GLIS3: variants seen among roughly 807,000 people sequenced by gnomAD.
GLIS3 encodes GLIS family zinc finger 3.
In GLIS3, 53 loss-of-function variants were observed where a neutral mutation model predicts 78.6. The observed-to-expected ratio is 0.67, with a 90% CI of 0.54 to 0.85. GLIS3 has a LOEUF of 0.85. Ranked by LOEUF, GLIS3 falls within the 40% of genes least tolerant of loss-of-function variation. The pLI, the probability that GLIS3 is intolerant of heterozygous loss-of-function variation, is 0.00. For missense variants in GLIS3, 1,703 were observed against 1,231.1 expected (o/e 1.38, Z -5.74); for synonymous variants, 684 against 509.9 (o/e 1.34, Z -4.60).
intron 4 of GLIS3, among the ~76,000 whole-genome samples, chr9:4,111,004 G>A (rs1831168036): frequency 6.6e-6 from 1 of 152,110 alleles, no homozygotes; most frequent in Admixed American, 6.6e-5. Flanking sequence ...ATATTCCAAA[G>A]GTCACAAAGG....
chr9:4,350,350 G>A, upstream of GLIS3, among the ~76,000 whole-genome samples: 1 of 152,200 alleles, frequency 6.6e-6, no homozygotes, highest in East Asian at 1.9e-4. Flanking sequence ...TTCAGTTATT[G>A]CACTGGGCCA....
chr9:4,171,650 CAT>C (rs1455751274), intron 2 of GLIS3, among the ~76,000 whole-genome samples: 3 of 152,194 alleles, frequency 2.0e-5, no homozygotes, highest in Non-Finnish European at 2.9e-5. Flanking sequence ...TAAGTCATCA[CAT>C]GATATAAAAT....
At chr9:4,321,911 G>T (rs1431707820) in intron 2 of GLIS3, among the ~76,000 whole-genome samples, 2 of 152,038 alleles carry the variant, frequency 1.3e-5, no homozygotes, top group Admixed American at 1.3e-4. Context: ...TAATTTCTGG[G>T]GTACACGTGC....
intron 2 of GLIS3, among the ~76,000 whole-genome samples, chr9:4,243,112 C>T (rs1209537813): frequency 6.6e-6 from 1 of 152,124 alleles, no homozygotes; most frequent in East Asian, 1.9e-4. Flanking sequence ...CTTCCATCAC[C>T]AAGAATCCTC....
the GLIS3 span, among the ~76,000 whole-genome samples, chr9:4,441,664 T>C: frequency 6.6e-6 from 1 of 152,180 alleles, no homozygotes; most frequent in Non-Finnish European, 1.5e-5. Context: ...TGGAATGCAG[T>C]CATGTGATCT....
chr9:4,207,564 T>A (rs1266635790), intron 2 of GLIS3, among the ~76,000 whole-genome samples: 1 of 152,188 alleles, frequency 6.6e-6, no homozygotes, highest in Non-Finnish European at 1.5e-5. Context: ...ATAGCTAACA[T>A]GTTACTACGT....
the GLIS3 span, among the ~76,000 whole-genome samples, chr9:4,450,820 G>T: frequency 6.6e-6 from 1 of 152,148 alleles, no homozygotes; most frequent in Non-Finnish European, 1.5e-5. Flanking sequence ...TCACCACCAG[G>T]CCTGCCTTAT....
chr9:4,246,549 A>T (rs7047971), intron 2 of GLIS3, among the ~76,000 whole-genome samples: 118,376 of 152,122 alleles, frequency 0.78, 46,983 homozygotes, highest in East Asian at 0.98. Context: ...TTAAAACATA[A>T]GCCGTGAGTA....
chr9:4,383,249 C>T, the GLIS3 span, among the ~76,000 whole-genome samples: 4 of 152,200 alleles, frequency 2.6e-5, no homozygotes, highest in East Asian at 1.9e-4. Context: ...AAACGCTTAA[C>T]GAATTTGCAA....
At chr9:4,331,269 A>C (rs1817680863) in intron 2 of GLIS3, among the ~76,000 whole-genome samples, 1 of 151,998 alleles carries the variant, frequency 6.6e-6, no homozygotes, top group South Asian at 2.1e-4. Context: ...TTCCATCTTC[A>C]CAGGGCCTTC....
chr9:4,405,571 G>A, the GLIS3 span, among the ~76,000 whole-genome samples: 1 of 151,976 alleles, frequency 6.6e-6, no homozygotes, highest in African/African-American at 2.4e-5. Flanking sequence ...TAACAATATT[G>A]AGGCTGTAAT....
chr9:4,408,353 G>C, the GLIS3 span, among the ~76,000 whole-genome samples: 1 of 151,630 alleles, frequency 6.6e-6, no homozygotes, highest in African/African-American at 2.4e-5. Flanking sequence ...GCCAAGATTT[G>C]GACTGTTCTC....
intron 2 of GLIS3, among the ~76,000 whole-genome samples, chr9:4,191,161 A>G (rs1818300785): frequency 6.6e-6 from 1 of 150,704 alleles, no homozygotes; most frequent in African/African-American, 2.4e-5. Context: ...TCATAATGAC[A>G]GGATCAAATT....
rs1265317427 is a variant in GLIS3 at position 3,991,683 on chromosome 9, A to AATTTTTTTTT, written c.1711-54495_1711-54494insAAAAAAAAAT. On this transcript the variant is annotated intron_variant, in intron 4 of 10. Coordinates refer to ENST00000381971, the MANE Select transcript of GLIS3 (RefSeq NM_001042413.2). Reference sequence around the variant, plus strand: ...GTTCAGAATTTCATTAAGTAGGCTGATTTTTTTTTTTTTTTTTTTTTTTTT... The same window carrying AATTTTTTTTT: ...GTTCAGAATTTCATTAAGTAGGCTGAATTTTTTTTTTTTTTTTTTTTTTTTTTTTTTTTTT... 1.2e-3 allele frequency among the ~76,000 whole-genome samples: 108 copies of AATTTTTTTTT among 87,912 alleles called. 15 individuals carry two copies. The highest frequency in any genetic ancestry group is 5.1e-3 in the African/African-American group (97 of 18,984). The allele number at this position is 87,912 out of a possible 152,430, so 57.7% of individuals were successfully genotyped here.
intron 2 of GLIS3, among the ~76,000 whole-genome samples, chr9:4,316,446 T>G (rs1817437832): frequency 6.6e-6 from 1 of 152,202 alleles, no homozygotes; most frequent in Non-Finnish European, 1.5e-5. Flanking sequence ...TCCTTAAATA[T>G]CATCATTTCA....
chr9:4,416,784 G>A, the GLIS3 span, among the ~76,000 whole-genome samples: 52 of 149,074 alleles, frequency 3.5e-4, no homozygotes, highest in Admixed American at 6.0e-4. Flanking sequence ...TCTCTCAAAT[G>A]GCAGCATGGT....
the GLIS3 span, among the ~76,000 whole-genome samples, chr9:4,381,406 G>T: frequency 1.3e-5 from 2 of 152,244 alleles, no homozygotes; most frequent in South Asian, 2.1e-4. Flanking sequence ...ATTATCTTTG[G>T]ATCCCCAGAG....
At chr9:3,837,611 C>G (rs1818433378) in intron 9 of GLIS3, among the ~76,000 whole-genome samples, 1 of 152,130 alleles carries the variant, frequency 6.6e-6, no homozygotes, top group African/African-American at 2.4e-5. Context: ...ACCTATTAAG[C>G]CATGAAAAGA....
intron 2 of GLIS3, among the ~76,000 whole-genome samples, chr9:4,134,073 C>T (rs556930930): frequency 3.3e-5 from 5 of 152,224 alleles, no homozygotes; most frequent in African/African-American, 4.8e-5. Context: ...AATTTCAAAA[C>T]GTGGCAAGAA....
Sources: allele counts gnomAD v4.1 joint callset (sites outside exome capture counted in the v4.1 genomes callset), GRCh38; gene constraint gnomAD v4.1.1; transcripts MANE v1.5; gene names NCBI Gene and HGNC (gene_info 2026-07-23, HGNC 2026-07-21).